Variants in MAPKAPK5 observed in about 807,000 individuals in gnomAD.
MAPKAPK5 encodes the protein MAP kinase-activated protein kinase 5.
In MAPKAPK5, 30 loss-of-function variants were observed where a neutral mutation model predicts 65.1. The observed-to-expected ratio is 0.46, with a 90% CI of 0.34 to 0.63. The LOEUF (loss-of-function observed/expected upper bound fraction) is 0.63, where lower values mean the gene tolerates loss of function less well. Ranked by LOEUF, MAPKAPK5 falls within the 20% of genes least tolerant of loss-of-function variation. The pLI, the probability that MAPKAPK5 is intolerant of heterozygous loss-of-function variation, is 0.01. For missense variants in MAPKAPK5, 433 were observed against 581.4 expected, an observed-to-expected ratio of 0.74 and a Z score of 2.63; for synonymous variants, 179 against 204.6, an observed-to-expected ratio of 0.87 and a Z score of 1.07.
intron 1 of MAPKAPK5, among the ~76,000 whole-genome samples, chr12:111,853,168 A>T (rs1053645027): frequency 2.6e-5 from 4 of 151,956 alleles, no homozygotes; most frequent in Non-Finnish European, 5.9e-5. Context: ...GATCGAGTCC[A>T]TCCTGGCTAA....
At chr12:111,877,592 G>A (rs1434462713) in intron 7 of MAPKAPK5, among the ~76,000 whole-genome samples, 4 of 152,140 alleles carry the variant, frequency 2.6e-5, no homozygotes, top group African/African-American at 7.2e-5. Context: ...GGAAGTGTCT[G>A]TTCAGACCTT....
intron 1 of MAPKAPK5, among the ~76,000 whole-genome samples, chr12:111,863,392 G>T (rs2069505616): frequency 6.6e-6 from 1 of 152,150 alleles, no homozygotes; most frequent in South Asian, 2.1e-4. Context: ...GACACAGAAA[G>T]GGGTGGAGAT....
intron 1 of MAPKAPK5, among the ~76,000 whole-genome samples, chr12:111,858,540 CTTTTTTT>C (rs60767498): frequency 2.4e-5 from 3 of 126,760 alleles, no homozygotes; most frequent in Non-Finnish European, 4.9e-5. Context: ...TTGAGCACCT[CTTTTTTT>C]TTTTTTTTTT....
chr12:111,893,157 C>T lies in MAPKAPK5; in HGVS notation c.*96C>T. The T allele has an allele frequency of 6.9e-6, 6 of 874,206 alleles. No individual in the cohort carries two copies. The South Asian group carries it at 1.1e-4, about 15-fold the overall frequency. The allele number at this position is 874,206 out of a possible 1,614,324, so 54.2% of individuals were successfully genotyped here. A position where few individuals can be genotyped will look rare whatever the true frequency, so the allele number is the denominator to read the frequency against. On this transcript the variant is annotated 3_prime_UTR_variant, in exon 14 of 14. Transcript: ENST00000550735. ...AAATTAATAAATCATAATTTCATTT[C>T]CACATTGATTAAAGCTGCTGTATAG...
Position 111,899,889 on chromosome 12 carries a change from A to G in MAPKAPK5, c.*6828A>G. 2.2e-6 allele frequency: 1 copy of G among 456,034 alleles called. No individual in the cohort carries two copies. The highest frequency in any genetic ancestry group is 1.5e-5 in the South Asian group (1 of 64,562). The allele number at this position is 456,034 out of a possible 1,614,324, so 28.2% of individuals were successfully genotyped here. A position where few individuals can be genotyped will look rare whatever the true frequency, so the allele number is the denominator to read the frequency against. ...GCGTGAGTCTCCTGTGGTGTCTACT[A>G]GCTGGCAACAAGGGAGCAGGAAGCC... On this transcript the variant is annotated 3_prime_UTR_variant, in exon 14 of 14. Coordinates refer to ENST00000550735, the MANE Select transcript of MAPKAPK5 (RefSeq NM_003668.4).
chr12:111,875,505 A>G (rs1304894116), intron 7 of MAPKAPK5, among the ~76,000 whole-genome samples: 1 of 151,934 alleles, frequency 6.6e-6, no homozygotes, highest in Non-Finnish European at 1.5e-5. Flanking sequence ...CCCCTTAGCA[A>G]TAGATTGCTG....
chr12:111,881,072 AT>A (rs546641280), intron 8 of MAPKAPK5, among the ~76,000 whole-genome samples: 1 of 151,750 alleles, frequency 6.6e-6, no homozygotes, highest in African/African-American at 2.4e-5. Flanking sequence ...TGTAGCCCAC[AT>A]TTTTTTTGTT....
chr12:111,881,164 C>A (rs541940926), intron 8 of MAPKAPK5, among the ~76,000 whole-genome samples: 1 of 151,960 alleles, frequency 6.6e-6, no homozygotes, highest in African/African-American at 2.4e-5. Context: ...ACCTCCACCT[C>A]CTGTGCTCAA....
chr12:111,872,106 A>G (rs1304461055), intron 7 of MAPKAPK5, among the ~76,000 whole-genome samples: 2 of 151,944 alleles, frequency 1.3e-5, no homozygotes, highest in Non-Finnish European at 2.9e-5. Flanking sequence ...GTTGTTTCTC[A>G]TTTTTGGCTA....
Position 111,842,483 on chromosome 12 carries a change from G to T in MAPKAPK5, c.-251G>T, listed in dbSNP as rs1270273718. On this transcript the variant is annotated 5_prime_UTR_variant, in exon 1 of 14. Transcript: ENST00000550735. Reference sequence around the variant, plus strand: ...GGGGATGAGGCTAGGAGGCGGCCGCGTGGGGCCCAGCACAAAGACCTGTCC... The same window carrying T: ...GGGGATGAGGCTAGGAGGCGGCCGCTTGGGGCCCAGCACAAAGACCTGTCC... The T allele has an allele frequency of 6.1e-6, 2 of 328,724 alleles. No individual in the cohort carries two copies. Among genetic ancestry groups the T allele is most frequent in the African/African-American group, 2.2e-5 (1 of 46,510 alleles). 20.4% of individuals were successfully genotyped at this position (328,724 alleles called of 1,614,324 possible). A position where few individuals can be genotyped will look rare whatever the true frequency, so the allele number is the denominator to read the frequency against.
chr12:111,893,188 G>C lies in MAPKAPK5; in HGVS notation c.*127G>C, dbSNP rs538181052. 6 of 647,810 alleles carry C rather than the reference G, an allele frequency of 9.3e-6. No homozygotes were observed. In the East Asian group the frequency reaches 1.6e-4, roughly 18 times the overall value. 40.1% of individuals were successfully genotyped at this position (647,810 alleles called of 1,614,324 possible). On this transcript the variant is annotated 3_prime_UTR_variant, in exon 14 of 14. Transcript: ENST00000550735. ...TGATTAAAGCTGCTGTATAGATTTA[G>C]GGTGCAGGACTTAATAATAGTATAG... is the stretch of plus-strand genomic sequence containing the variant.
chr12:111,900,553 G>A lies in MAPKAPK5; in HGVS notation c.*7492G>A, dbSNP rs1036078694. Reference sequence around the variant, plus strand: ...TTTAACAAGCCACGGCCCAGGGGCCGCAAGCGTAGGGATTCTGCCTGTGGA... The same window carrying A: ...TTTAACAAGCCACGGCCCAGGGGCCACAAGCGTAGGGATTCTGCCTGTGGA... On this transcript the variant is annotated 3_prime_UTR_variant, in exon 14 of 14. Transcript: ENST00000550735. The A allele has an allele frequency of 2.0e-5, 9 of 456,148 alleles. No individual in the cohort carries two copies. The highest frequency in any genetic ancestry group is 1.4e-4 in the Admixed American group (6 of 42,586). The allele number at this position is 456,148 out of a possible 1,614,324, so 28.3% of individuals were successfully genotyped here. A position where few individuals can be genotyped will look rare whatever the true frequency, so the allele number is the denominator to read the frequency against.
At chr12:111,864,617 T>C (rs1724847141) in intron 1 of MAPKAPK5, among the ~76,000 whole-genome samples, 1 of 152,206 alleles carries the variant, frequency 6.6e-6, no homozygotes, top group Admixed American at 6.5e-5. Context: ...ATTACAACTT[T>C]CATTAAACTG....
intron 7 of MAPKAPK5, among the ~76,000 whole-genome samples, chr12:111,872,140 ACTT>A (rs1358932769): frequency 6.6e-6 from 1 of 152,166 alleles, no homozygotes; most frequent in African/African-American, 2.4e-5. Flanking sequence ...TGCTAGGAAC[ACTT>A]CTTTTACAGT....
Position 111,895,636 on chromosome 12 carries a change from T to G in MAPKAPK5, c.*2575T>G, listed in dbSNP as rs1460210380. The stretch of plus-strand genomic sequence containing the variant: ...ACCTCTGCCTCCCAGGTTCAAGCGA[T>G]TCTCGTGCCTCAGACTTCCAAGTAG... On this transcript the variant is annotated 3_prime_UTR_variant, in exon 14 of 14. Transcript: ENST00000550735. The G allele has an allele frequency of 1.4e-5, 2 of 148,014 alleles. No individual in the cohort carries two copies. Among genetic ancestry groups the G allele is most frequent in the African/African-American group, 5.0e-5 (2 of 40,034 alleles). The allele number at this position is 148,014 out of a possible 1,614,324, so 9.2% of individuals were successfully genotyped here.
chr12:111,877,266 G>A (rs2070022690), intron 7 of MAPKAPK5, among the ~76,000 whole-genome samples: 1 of 126,780 alleles, frequency 7.9e-6, no homozygotes, highest in African/African-American at 3.1e-5. Flanking sequence ...TGATCCACTC[G>A]CCTTGACCTC....
intron 1 of MAPKAPK5, among the ~76,000 whole-genome samples, chr12:111,860,505 T>C (rs1018595907): frequency 6.6e-6 from 1 of 152,192 alleles, no homozygotes; most frequent in Non-Finnish European, 1.5e-5. Flanking sequence ...ATTCACCACT[T>C]TTAGCTGGTA....
Position 111,866,154 on chromosome 12 carries a change from A to G in MAPKAPK5, c.111-2A>G, listed in dbSNP as rs776046485. 6.2e-7 allele frequency: 1 copy of G among 1,601,020 alleles called. No homozygotes were observed. The highest frequency in any genetic ancestry group is 8.5e-7 in the Non-Finnish European group (1 of 1,174,296). On this transcript the variant is annotated splice_acceptor_variant, in intron 2 of 13. Transcript: ENST00000550735. LOFTEE classifies it high-confidence loss of function. Reference sequence around the variant, plus strand: ...TGATTGATTTTTTTTCTCCAAATCTAGAGTCTGTGTAAAGAAATCTACTCA... The same window carrying G: ...TGATTGATTTTTTTTCTCCAAATCTGGAGTCTGTGTAAAGAAATCTACTCA...
At chr12:111,842,965 T>C in intron 1 of MAPKAPK5, 196 bp downstream of exon 1, 1 of 429,562 alleles carries the variant, frequency 2.3e-6, no homozygotes. Flanking sequence ...TGTGTCCGAC[T>C]CCCGCCAGCT....
Sources: gnomAD v4.1 joint callset for allele counts (sites outside exome capture counted in the v4.1 genomes callset) on GRCh38, gnomAD v4.1.1 for gene constraint, MANE v1.5 for transcripts, NCBI Gene and HGNC (gene_info 2026-07-23, HGNC 2026-07-21) for gene names.